Variants in SNRPD3 observed in about 807,000 individuals in gnomAD.
The protein encoded by SNRPD3 is small nuclear ribonucleoprotein D3 polypeptide.
For missense variants in SNRPD3, 73 were observed against 167.5 expected, an observed-to-expected ratio of 0.44 and a Z score of 3.11; for synonymous variants, 66 against 58.4, an observed-to-expected ratio of 1.13 and a Z score of -0.59.
intron 1 of SNRPD3, among the ~76,000 whole-genome samples, chr22:24,556,999 G>T (rs1392257595): frequency 6.6e-6 from 1 of 152,228 alleles, no homozygotes; most frequent in Non-Finnish European, 1.5e-5. Context: ...TAAAATAAGT[G>T]AAGGGTTAAA....
Position 24,560,715 on chromosome 22 carries a change from CTTTTTTTTTT to C in SNRPD3, c.126+2936_126+2945del, listed in dbSNP as rs59348518. 6.1e-5 allele frequency among the ~76,000 whole-genome samples: 6 copies of C among 98,864 alleles called. 2 individuals are homozygous for C. Among genetic ancestry groups the C allele is most frequent in the African/African-American group, 2.2e-4 (5 of 22,370 alleles). The allele number at this position is 98,864 out of a possible 152,430, so 64.9% of individuals were successfully genotyped here. Reference sequence around the variant, plus strand: ...ACAGGCGTGAGCCACTGCACCTGGCCTTTTTTTTTTTTTTTTTTTTTTTTTTTTTTGAGAC... The same window carrying C: ...ACAGGCGTGAGCCACTGCACCTGGCCTTTTTTTTTTTTTTTTTTTTGAGAC... On this transcript the variant is annotated intron_variant, in intron 2 of 3. Transcript: ENST00000215829.
chr22:24,559,550 A>C (rs2045112916), intron 2 of SNRPD3, among the ~76,000 whole-genome samples: 1 of 152,202 alleles, frequency 6.6e-6, no homozygotes, highest in South Asian at 2.1e-4. Context: ...CTTGGTAGCC[A>C]TTCAGAGATG....
At chr22:24,570,101 AC>A (rs2147130928) in intron 3 of SNRPD3, among the ~76,000 whole-genome samples, 1 of 152,164 alleles carries the variant, frequency 6.6e-6, no homozygotes, top group Admixed American at 6.5e-5. Flanking sequence ...GGGTTGGGAA[AC>A]CCCGCGAGGC....
At chr22:24,558,782 G>C (rs765251283) in intron 2 of SNRPD3, among the ~76,000 whole-genome samples, 1 of 152,174 alleles carries the variant, frequency 6.6e-6, no homozygotes, top group Non-Finnish European at 1.5e-5. Context: ...GCGATTGCTC[G>C]TTAGAAGAGT....
intron 2 of SNRPD3, among the ~76,000 whole-genome samples, chr22:24,558,387 T>C (rs2045100975): frequency 6.6e-6 from 1 of 152,236 alleles, no homozygotes; most frequent in Admixed American, 6.5e-5. Flanking sequence ...TGAATTTTTA[T>C]AGCATTGTTT....
rs759863364 is a variant in SNRPD3, at chr22:24,568,002, A to G, written c.145A>G (p.Thr49Ala). The G allele has an allele frequency of 6.2e-7, 1 of 1,609,070 alleles. No homozygotes were observed. The highest frequency in any genetic ancestry group is 8.5e-7 in the Non-Finnish European group (1 of 1,177,994). Residue 49 changes from threonine (T) to alanine (A), a missense_variant, in exon 3 of 4, where the codon ACA becomes GCA. By Grantham distance (58) the Thr-to-Ala change is moderately conservative (BLOSUM62 0). Coordinates refer to ENST00000215829, the MANE Select transcript of SNRPD3 (RefSeq NM_004175.5). ...CTTCCAGATGTCCAACATCACAGTCACATACAGAGATGGCCGAGTGGCACA... is the reference window on the plus strand; with the variant it reads ...CTTCCAGATGTCCAACATCACAGTCGCATACAGAGATGGCCGAGTGGCACA... ...MNCQMSNITV[T>A]YRDGRVAQLE...
intron 1 of SNRPD3, 85 bp from the exon 2 acceptor site, chr22:24,557,572 G>A (rs751203071): frequency 2.2e-6 from 2 of 921,194 alleles, no homozygotes; most frequent in African/African-American, 1.7e-5. Context: ...TTTATGGAGT[G>A]CCAGGCCTTA....
At chr22:24,570,264 G>A (rs184089605) in intron 3 of SNRPD3, among the ~76,000 whole-genome samples, 108 of 152,356 alleles carry the variant, frequency 7.1e-4, no homozygotes, top group African/African-American at 2.5e-3. Flanking sequence ...TTTCAAGAGA[G>A]AGATTCTGTC....
chr22:24,569,083 C>T (rs1025396755), intron 3 of SNRPD3, among the ~76,000 whole-genome samples: 1 of 152,154 alleles, frequency 6.6e-6, no homozygotes, highest in African/African-American at 2.4e-5. Context: ...CGAGCAGACA[C>T]AGCCCGGAGC....
intron 2 of SNRPD3, among the ~76,000 whole-genome samples, chr22:24,560,428 C>CTTTT (rs60835175): frequency 2.0e-5 from 1 of 49,074 alleles, no homozygotes; most frequent in African/African-American, 8.0e-5. Flanking sequence ...AGCTTGCTTG[C>CTTTT]TTTTTTTTTT....
At chr22:24,557,834 G>A (rs772689940) in intron 2 of SNRPD3, 34 bp downstream of exon 2, 9 of 1,587,758 alleles carry the variant, frequency 5.7e-6, no homozygotes, top group Middle Eastern at 1.7e-4. Flanking sequence ...TGTGTGGGAG[G>A]AATGGCCCTG....
intron 2 of SNRPD3, among the ~76,000 whole-genome samples, chr22:24,560,715 C>CTTT (rs59348518): frequency 2.2e-4 from 22 of 98,846 alleles, no homozygotes; most frequent in African/African-American, 9.4e-4. Flanking sequence ...TGCACCTGGC[C>CTTT]TTTTTTTTTT....
At chr22:24,556,644 T>G in intron 1 of SNRPD3, among the ~76,000 whole-genome samples, 1 of 152,278 alleles carries the variant, frequency 6.6e-6, no homozygotes, top group East Asian at 1.9e-4. Context: ...CTTCTAAACC[T>G]TACGTTCTAT....
intron 2 of SNRPD3, among the ~76,000 whole-genome samples, chr22:24,558,429 T>G (rs978711504): frequency 6.6e-6 from 1 of 152,242 alleles, no homozygotes; most frequent in Admixed American, 6.5e-5. Flanking sequence ...TCTTTGTTCT[T>G]TAAACCACTG....
Position 24,572,036 on chromosome 22 carries a change from A to G in SNRPD3, c.*59A>G. ...CTTTCAGGTTATCTGAGTTCATTGG[A>G]GTGGGTGCTTGTGCATATATGCTAG... On this transcript the variant is annotated 3_prime_UTR_variant, in exon 4 of 4. Coordinates refer to ENST00000215829, the MANE Select transcript of SNRPD3 (RefSeq NM_004175.5). 2 of 1,607,086 alleles carry G rather than the reference A, an allele frequency of 1.2e-6. No homozygotes were observed. Among genetic ancestry groups the G allele is most frequent in the South Asian group, 1.1e-5 (1 of 90,024 alleles).
chr22:24,562,904 A>G (rs1258732853), intron 2 of SNRPD3, among the ~76,000 whole-genome samples: 1 of 152,208 alleles, frequency 6.6e-6, no homozygotes, highest in Non-Finnish European at 1.5e-5. Context: ...TCCAAAATGC[A>G]TAGTGTTCTT....
In SNRPD3 at chr22:24,556,078, C is replaced by T. The variant is rs1478488937; in HGVS notation, c.-19+7C>T. On this transcript the variant is annotated splice_region_variant and intron_variant, in intron 1 of 3. Coordinates refer to ENST00000215829, the MANE Select transcript of SNRPD3 (RefSeq NM_004175.5). ...GAAAAGTAGGCCAGAGCCGGTGAGG[C>T]TGGGGACGGGCGAGGGGAGGTCGAG... 4 of 592,044 alleles carry T rather than the reference C, an allele frequency of 6.8e-6. No homozygotes were observed. Among genetic ancestry groups the T allele is most frequent in the Non-Finnish European group, 1.2e-5 (4 of 333,490 alleles). The allele number at this position is 592,044 out of a possible 1,614,324, so 36.7% of individuals were successfully genotyped here.
Position 24,572,055 on chromosome 22 carries a change from A to T in SNRPD3, c.*78A>T. The stretch of plus-strand genomic sequence containing the variant: ...CATTGGAGTGGGTGCTTGTGCATAT[A>T]TGCTAGGTATCTTTTGCCATCTTTC... On this transcript the variant is annotated 3_prime_UTR_variant, in exon 4 of 4. Coordinates refer to ENST00000215829, the MANE Select transcript of SNRPD3 (RefSeq NM_004175.5). 1 of 1,592,384 alleles carries T rather than the reference A, an allele frequency of 6.3e-7. No individual in the cohort carries two copies. The highest frequency in any genetic ancestry group is 8.6e-7 in the Non-Finnish European group (1 of 1,168,894).
intron 2 of SNRPD3, among the ~76,000 whole-genome samples, chr22:24,560,519 A>C (rs1009319934): frequency 7.7e-6 from 1 of 130,090 alleles, no homozygotes; most frequent in African/African-American, 3.0e-5. Context: ...ATCTCAGCTC[A>C]CTGCAACCTC....
Sources: allele counts gnomAD v4.1 joint callset (sites outside exome capture counted in the v4.1 genomes callset), GRCh38; gene constraint gnomAD v4.1.1; transcripts MANE v1.5; gene names NCBI Gene and HGNC (gene_info 2026-07-23, HGNC 2026-07-21).